The following HSD17B12 variants were observed in gnomAD, a reference collection of about 807,000 sequenced individuals.
HSD17B12 encodes the protein very-long-chain 3-oxoacyl-CoA reductase.
Under a neutral mutation model 39.3 loss-of-function variants are expected in HSD17B12, and 32 were observed. That is an observed-to-expected ratio of 0.81 (90% CI 0.61 to 1.09). The LOEUF (loss-of-function observed/expected upper bound fraction) is 1.09, where lower values mean the gene tolerates loss of function less well. HSD17B12 is among the 50% of genes least tolerant of loss of function. The probability of loss-of-function intolerance (pLI) is 0.00; values close to 1 mark genes in which losing one functional copy is unlikely to be tolerated. For synonymous variants in HSD17B12, 150 were observed against 146.7 expected, an observed-to-expected ratio of 1.02 and a Z score of -0.16; for missense variants, 342 against 382.9, an observed-to-expected ratio of 0.89 and a Z score of 0.89.
chr11:43,716,777 A>T (rs1312455941), intron 1 of HSD17B12, among the ~76,000 whole-genome samples: 2 of 149,376 alleles, frequency 1.3e-5, no homozygotes, highest in African/African-American at 4.9e-5. Context: ...TGTGCATAGG[A>T]TGCAGTGGAA....
At chr11:43,827,251 A>G (rs935494318) in intron 6 of HSD17B12, among the ~76,000 whole-genome samples, 2 of 152,176 alleles carry the variant, frequency 1.3e-5, no homozygotes, top group Non-Finnish European at 2.9e-5. Context: ...TTGAATTTTA[A>G]TGTAATCTTT....
chr11:43,580,076 G>A, the HSD17B12 span, among the ~76,000 whole-genome samples: 2 of 147,482 alleles, frequency 1.4e-5, no homozygotes, highest in Non-Finnish European at 3.0e-5. Context: ...TGGGGGGGGG[G>A]AGGGGCAGGA....
At chr11:43,843,087 C>T (rs1196329686) in intron 9 of HSD17B12, among the ~76,000 whole-genome samples, 2 of 152,096 alleles carry the variant, frequency 1.3e-5, no homozygotes, top group Middle Eastern at 3.2e-3. Context: ...ACTGTCATTT[C>T]ATCTGTCATT....
At position 43,680,893 on chromosome 11, in the gene HSD17B12, A is replaced by G. The variant is rs1949736783; in HGVS notation, c.66A>G (p.Leu22=). ...TCGGCGCGGGCACCGTGGCCTACCT[A>G]GCCCTGCGTATTTCGTACTCGCTCT... is the stretch of plus-strand genomic sequence containing the variant. The part of the protein sequence containing the change: ...YWVGAGTVAY[L]ALRISYSLFT... The change falls in exon 1 of 11, where the codon CTA becomes CTG. Residue 22 remains leucine (L), a synonymous_variant. Transcript: ENST00000278353. 1.2e-6 allele frequency: 2 copies of G among 1,613,902 alleles called. No homozygotes were observed. Among genetic ancestry groups the G allele is most frequent in the Non-Finnish European group, 1.7e-6 (2 of 1,179,946 alleles).
intron 1 of HSD17B12, among the ~76,000 whole-genome samples, chr11:43,729,740 A>G (rs187257097): frequency 3.2e-4 from 49 of 152,314 alleles, no homozygotes; most frequent in Admixed American, 1.6e-3. Context: ...AGGGTAGCTT[A>G]TCTAAGAAGT....
At chr11:43,672,696 A>C in the HSD17B12 span, among the ~76,000 whole-genome samples, 1 of 151,924 alleles carries the variant, frequency 6.6e-6, no homozygotes, top group Non-Finnish European at 1.5e-5. Context: ...GCCTGCCACC[A>C]CACCCGGCTC....
At chr11:43,756,856 G>A (rs775974963) in intron 3 of HSD17B12, among the ~76,000 whole-genome samples, 1 of 152,232 alleles carries the variant, frequency 6.6e-6, no homozygotes, top group Non-Finnish European at 1.5e-5. Context: ...TGGCAGAAAT[G>A]TGATTCTGGA....
At chr11:43,715,857 A>C (rs1335218122) in intron 1 of HSD17B12, among the ~76,000 whole-genome samples, 1 of 152,138 alleles carries the variant, frequency 6.6e-6, no homozygotes, top group Non-Finnish European at 1.5e-5. Context: ...ATGTGTATCT[A>C]GTGGCTACCC....
At chr11:43,640,368 T>C in the HSD17B12 span, among the ~76,000 whole-genome samples, 5 of 152,084 alleles carry the variant, frequency 3.3e-5, no homozygotes, top group African/African-American at 1.2e-4. Context: ...TAAACCTGCA[T>C]TAAAAAGGAG....
chr11:43,731,996 C>T (rs1950272059), intron 1 of HSD17B12, among the ~76,000 whole-genome samples: 1 of 152,148 alleles, frequency 6.6e-6, no homozygotes, highest in Non-Finnish European at 1.5e-5. Flanking sequence ...TATGGTTTGG[C>T]TGTGTCCCCC....
At chr11:43,701,694 G>T (rs368294420) in intron 1 of HSD17B12, among the ~76,000 whole-genome samples, 55 of 152,296 alleles carry the variant, frequency 3.6e-4, no homozygotes, top group African/African-American at 1.3e-3. Context: ...CAGTGTGTCT[G>T]CTTTTATGCC....
At chr11:43,637,825 A>T in the HSD17B12 span, among the ~76,000 whole-genome samples, 1 of 152,232 alleles carries the variant, frequency 6.6e-6, no homozygotes, top group East Asian at 1.9e-4. Context: ...TGAAATTTCA[A>T]TAATGTGTAA....
chr11:43,770,030 A>G (rs1222294994), intron 3 of HSD17B12, among the ~76,000 whole-genome samples: 3 of 152,158 alleles, frequency 2.0e-5, no homozygotes, highest in African/African-American at 7.2e-5. Context: ...CTAGCCCTCT[A>G]TCCTCAGAGA....
chr11:43,626,114 T>C, the HSD17B12 span, among the ~76,000 whole-genome samples: 1 of 151,784 alleles, frequency 6.6e-6, no homozygotes, highest in East Asian at 1.9e-4. Flanking sequence ...TTTTAATTTT[T>C]TTTAAATTGG....
chr11:43,826,175 C>T (rs1053117277), intron 6 of HSD17B12, among the ~76,000 whole-genome samples: 3 of 151,552 alleles, frequency 2.0e-5, no homozygotes, highest in African/African-American at 7.3e-5. Flanking sequence ...CTCCGCCTCC[C>T]GGGTTCACGC....
intron 9 of HSD17B12, among the ~76,000 whole-genome samples, chr11:43,841,859 C>T (rs1375912256): frequency 6.6e-6 from 1 of 152,016 alleles, no homozygotes; most frequent in African/African-American, 2.4e-5. Context: ...AATGATCGAT[C>T]AAAATAATAA....
chr11:43,581,263 G>T, the HSD17B12 span: 1 of 456,390 alleles, frequency 2.2e-6, no homozygotes, highest in Non-Finnish European at 4.5e-6. The surrounding 1 kb of genome is among the most constrained non-coding windows in gnomAD (Gnocchi z 4.9). Context: ...GGCGCGGAGG[G>T]GCGGGCAGCG....
chr11:43,774,076 G>A (rs1950675258), intron 3 of HSD17B12, among the ~76,000 whole-genome samples: 1 of 152,148 alleles, frequency 6.6e-6, no homozygotes, highest in Non-Finnish European at 1.5e-5. Context: ...GCTGGGGTGA[G>A]GCAAAACTGA....
At chr11:43,589,109 TAAGGAA>T in the HSD17B12 span, among the ~76,000 whole-genome samples, 1 of 151,980 alleles carries the variant, frequency 6.6e-6, no homozygotes, top group Admixed American at 6.6e-5. Flanking sequence ...AGGAAAAAAA[TAAGGAA>T]AAATAGAAGG....
Sources: allele counts gnomAD v4.1 joint callset (sites outside exome capture counted in the v4.1 genomes callset), GRCh38; gene constraint gnomAD v4.1.1; non-coding constraint Gnocchi (gnomAD v3.1); transcripts MANE v1.5; gene names NCBI Gene and HGNC (gene_info 2026-07-23, HGNC 2026-07-21).